The following RAB9B variants were observed in gnomAD, a reference collection of about 807,000 sequenced individuals.
The protein encoded by RAB9B is RAB9B, member RAS oncogene family, also known as ras-related protein Rab-9B.
Under a neutral mutation model 8.9 loss-of-function variants are expected in RAB9B, and 1 was observed. That is an observed-to-expected ratio of 0.11 (90% CI 0.04 to 0.53). The LOEUF is 0.53. Among genes scored for constraint, RAB9B ranks in the 20% least tolerant of loss-of-function variants. The probability of loss-of-function intolerance (pLI) is 0.93; values close to 1 mark genes in which losing one functional copy is unlikely to be tolerated. For synonymous variants in RAB9B, 63 were observed against 57.0 expected (o/e 1.10, Z -0.47); for missense variants, 82 against 152.9 (o/e 0.54, Z 2.45).
the RAB9B span, among the ~76,000 whole-genome samples, chrX:103,805,676 C>T: frequency 8.1e-5 from 9 of 111,193 alleles, no homozygotes; most frequent in Non-Finnish European, 1.7e-4. Flanking sequence ...TCAGGCTTGG[C>T]AGTGTGTGCC....
the RAB9B span, chrX:103,789,461 T>C: frequency 1.2e-6 from 1 of 863,985 alleles, no homozygotes; most frequent in Non-Finnish European, 1.7e-6. Flanking sequence ...GTACAGCTAT[T>C]CTGAAAGGCA....
the RAB9B span, among the ~76,000 whole-genome samples, chrX:103,794,660 A>G: frequency 2.3e-4 from 26 of 112,488 alleles, no homozygotes; most frequent in Admixed American, 1.3e-3. Flanking sequence ...TAGTGTGGCT[A>G]TTTTGACATT....
At chrX:103,795,787 AGAT>A in the RAB9B span, among the ~76,000 whole-genome samples, 2 of 112,478 alleles carry the variant, frequency 1.8e-5, no homozygotes, top group Non-Finnish European at 3.8e-5. Flanking sequence ...TCCTATACGC[AGAT>A]GATATTATCA....
chrX:103,790,815 T>A, the RAB9B span: 4 of 432,335 alleles, frequency 9.3e-6, no homozygotes, highest in Non-Finnish European at 1.6e-5. Context: ...CATAGCTGGT[T>A]CCTGCTAGAA....
At chrX:103,789,640 C>T in the RAB9B span, among the ~76,000 whole-genome samples, 1 of 111,841 alleles carries the variant, frequency 8.9e-6, no homozygotes, top group Non-Finnish European at 1.9e-5. Context: ...TTCATAGACA[C>T]GAATGATAAT....
chrX:103,814,822 A>C, the RAB9B span, among the ~76,000 whole-genome samples: 2 of 112,236 alleles, frequency 1.8e-5, no homozygotes, highest in Non-Finnish European at 1.9e-5. Flanking sequence ...TATGCAAATT[A>C]ACTAGAAAAT....
At chrX:103,808,083 T>G in the RAB9B span, among the ~76,000 whole-genome samples, 1 of 111,904 alleles carries the variant, frequency 8.9e-6, no homozygotes, top group East Asian at 2.8e-4. Flanking sequence ...ATTAACTGGC[T>G]GTGTGACCCC....
the RAB9B span, chrX:103,776,874 A>T: frequency 1.5e-6 from 1 of 680,677 alleles, no homozygotes; most frequent in Non-Finnish European, 2.3e-6. Context: ...AAAGATACTC[A>T]GAGAGAAAAA....
intron 1 of RAB9B, among the ~76,000 whole-genome samples, chrX:103,830,912 G>A (rs2074701053): frequency 8.9e-6 from 1 of 111,829 alleles, no homozygotes; most frequent in Admixed American, 9.5e-5. Context: ...TTGCCATGGA[G>A]TGGAATGATG....
downstream of RAB9B, among the ~76,000 whole-genome samples, chrX:103,818,855 A>G (rs1329329274): frequency 1.8e-5 from 2 of 111,414 alleles, no homozygotes; most frequent in African/African-American, 6.5e-5. Flanking sequence ...TATTTCTTTC[A>G]TTACTTCATT....
the RAB9B span, chrX:103,776,872 T>C: frequency 2.9e-6 from 2 of 678,045 alleles, no homozygotes; most frequent in Non-Finnish European, 2.3e-6. Flanking sequence ...ACAAAGATAC[T>C]CAGAGAGAAA....
At chrX:103,786,891 C>T in the RAB9B span, 1 of 542,887 alleles carries the variant, frequency 1.8e-6, no homozygotes, top group South Asian at 2.9e-5. Context: ...GAACGTGGTG[C>T]CCAGCTGGCT....
chrX:103,809,178 C>G, the RAB9B span, among the ~76,000 whole-genome samples: 1 of 112,223 alleles, frequency 8.9e-6, no homozygotes, highest in Non-Finnish European at 1.9e-5. Context: ...CTCTCGCTCT[C>G]TCTCTGTTAT....
chrX:103,829,641 A>G (rs1188038615), intron 1 of RAB9B, among the ~76,000 whole-genome samples: 1 of 112,345 alleles, frequency 8.9e-6, no homozygotes, highest in East Asian at 2.8e-4. Flanking sequence ...GGATGTAGAT[A>G]CTGTTGGGAA....
At chrX:103,786,843 A>G in the RAB9B span, 1 of 770,643 alleles carries the variant, frequency 1.3e-6, no homozygotes, top group Non-Finnish European at 2.0e-6. Context: ...CATTTGAGTG[A>G]GGAAGCGATG....
At position 103,832,123 on chromosome X, in the gene RAB9B, G is replaced by C. The variant is rs968515652; in HGVS notation, c.-180C>G. 1 of 112,303 alleles carries C rather than the reference G, an allele frequency of 8.9e-6. No individual in the cohort carries two copies. The highest frequency in any genetic ancestry group is 2.8e-4 in the East Asian group (1 of 3,521). The allele number at this position is 112,303 out of a possible 1,213,427, so 9.3% of individuals were successfully genotyped here. A position where few individuals can be genotyped will look rare whatever the true frequency, so the allele number is the denominator to read the frequency against. On this transcript the variant is annotated 5_prime_UTR_variant, in exon 1 of 3. Coordinates refer to ENST00000243298, the MANE Select transcript of RAB9B (RefSeq NM_016370.4). ...GCCAGGCAGGTCAGCTCTGCGTGCC[G>C]GGAATCCGGCTCCTTAGAGTCACCG...
At chrX:103,812,399 T>C in the RAB9B span, among the ~76,000 whole-genome samples, 1 of 112,008 alleles carries the variant, frequency 8.9e-6, no homozygotes, top group Non-Finnish European at 1.9e-5. Context: ...ATTTTATCTC[T>C]ACATGAAAGA....
chrX:103,809,168 C>G, the RAB9B span, among the ~76,000 whole-genome samples: 172 of 111,949 alleles, frequency 1.5e-3, 2 homozygotes, highest in African/African-American at 5.3e-3. Flanking sequence ...CTCTCTGTCT[C>G]TCTCGCTCTC....
the RAB9B span, among the ~76,000 whole-genome samples, chrX:103,782,615 G>T: frequency 8.9e-6 from 1 of 111,974 alleles, no homozygotes; most frequent in Non-Finnish European, 1.9e-5. Flanking sequence ...TTCTCTTTTG[G>T]CTAGCAAGAG....
Sources: allele counts gnomAD v4.1 joint callset (sites outside exome capture counted in the v4.1 genomes callset), GRCh38; gene constraint gnomAD v4.1.1; transcripts MANE v1.5; gene names NCBI Gene and HGNC (gene_info 2026-07-23, HGNC 2026-07-21).